The following FGF1 variants were observed in gnomAD, a reference collection of about 807,000 sequenced individuals.
The protein encoded by FGF1 is beta-endothelial cell growth factor.
A neutral mutation model predicts 13.4 loss-of-function variants in FGF1; 9 were observed. The ratio of observed to expected loss-of-function variants is 0.67; its 90% CI spans 0.40 to 1.17. The LOEUF (loss-of-function observed/expected upper bound fraction) is 1.17, where lower values mean the gene tolerates loss of function less well. Among genes scored for constraint, FGF1 ranks in the 50% most tolerant of loss-of-function variants. The pLI is 0.01. For missense variants in FGF1, 156 were observed against 192.7 expected (o/e 0.81, Z 1.13); for synonymous variants, 93 against 79.0 (o/e 1.18, Z -0.94).
intron 2 of FGF1, among the ~76,000 whole-genome samples, chr5:142,601,600 TTC>T (rs1756581356): frequency 6.6e-6 from 1 of 152,052 alleles, no homozygotes; most frequent in South Asian, 2.1e-4. Flanking sequence ...TGAAGACAGT[TTC>T]TGTTGTCACA....
At chr5:142,695,497 G>C (rs551037106) in intron 2 of FGF1, among the ~76,000 whole-genome samples, 1 of 149,852 alleles carries the variant, frequency 6.7e-6, no homozygotes, top group Non-Finnish European at 1.5e-5. Flanking sequence ...CAAAAGAATC[G>C]CTTGAACCTG....
intron 3 of FGF1, among the ~76,000 whole-genome samples, chr5:142,597,751 G>A (rs1277921747): frequency 6.6e-6 from 1 of 152,134 alleles, no homozygotes; most frequent in Non-Finnish European, 1.5e-5. Context: ...CTCTATGTGT[G>A]AGCATGTTTG....
intron 3 of FGF1, among the ~76,000 whole-genome samples, chr5:142,597,215 T>C (rs1755457751): frequency 6.6e-6 from 1 of 152,242 alleles, no homozygotes; most frequent in Admixed American, 6.5e-5. Context: ...ATTTACAAGA[T>C]GTATTACCTT....
At chr5:142,606,344 T>A (rs899238856) in intron 2 of FGF1, among the ~76,000 whole-genome samples, 9 of 150,906 alleles carry the variant, frequency 6.0e-5, no homozygotes, top group African/African-American at 2.2e-4. Flanking sequence ...AAATCCTTGA[T>A]GAAAATCATA....
intron 1 of FGF1, among the ~76,000 whole-genome samples, chr5:142,628,364 G>T (rs1489885988): frequency 6.6e-6 from 1 of 152,140 alleles, no homozygotes; most frequent in South Asian, 2.1e-4. Flanking sequence ...CAAAAAATTA[G>T]CCGGGCGTGA....
chr5:142,599,037 G>T (rs1391945057), intron 3 of FGF1, among the ~76,000 whole-genome samples: 1 of 152,162 alleles, frequency 6.6e-6, no homozygotes, highest in African/African-American at 2.4e-5. Flanking sequence ...CACTCTGATG[G>T]GCGCATTCTG....
chr5:142,672,500 GTTTT>G (rs34954693), intron 1 of FGF1, among the ~76,000 whole-genome samples: 14 of 123,328 alleles, frequency 1.1e-4, no homozygotes, highest in Admixed American at 2.6e-4. Flanking sequence ...TTTCTGTACA[GTTTT>G]TTTTTTTTTT....
At chr5:142,598,523 A>G (rs1270576642) in intron 3 of FGF1, among the ~76,000 whole-genome samples, 1 of 152,206 alleles carries the variant, frequency 6.6e-6, no homozygotes, top group Non-Finnish European at 1.5e-5. Context: ...TGGAAAATAC[A>G]GGAAGTTATT....
chr5:142,664,608 A>G (rs1345322188), intron 1 of FGF1, among the ~76,000 whole-genome samples: 1 of 152,142 alleles, frequency 6.6e-6, no homozygotes, highest in East Asian at 1.9e-4. Flanking sequence ...CTTCCAATTT[A>G]CTGTATCTTA....
upstream of FGF1, among the ~76,000 whole-genome samples, chr5:142,688,317 G>T (rs770525788): frequency 7.9e-5 from 12 of 152,000 alleles, no homozygotes; most frequent in Non-Finnish European, 1.5e-4. Context: ...TTGAACTTCT[G>T]TTACTATCTA....
rs61061208 is a variant in FGF1 at position 142,639,330 on chromosome 5, T to C, written c.-34-25169A>G. 9.3e-3 allele frequency among the ~76,000 whole-genome samples: 1,414 copies of C among 152,102 alleles called. 13 individuals are homozygous for C. Among genetic ancestry groups the C allele is most frequent in the South Asian group, 0.02 (95 of 4,820 alleles). ...TCATCTGTATCACACATGAAATCTG[T>C]AACACATTTCTTCTAAAGAAAATGT... On this transcript the variant is annotated intron_variant, in intron 1 of 3. Coordinates refer to ENST00000337706, the MANE Select transcript of FGF1 (RefSeq NM_000800.5).
In FGF1 at chr5:142,626,537, T is replaced by C. The variant is rs148859658; in HGVS notation, c.-34-12376A>G. On this transcript the variant is annotated intron_variant, in intron 1 of 3. Transcript: ENST00000337706. ...AGAATAAAATGCCCCTTGAACTGAG[T>C]GACCCTTGAGCTTCTCTATTCTTTT... Among the ~76,000 whole-genome samples the C allele has an allele frequency of 2.6e-3, 400 of 152,328 alleles. 2 individuals carry two copies. Among genetic ancestry groups the C allele is most frequent in the African/African-American group, 9.2e-3 (382 of 41,582 alleles).
chr5:142,614,190 G>T, intron 1 of FGF1, 29 bp from the exon 2 acceptor site: 1 of 1,569,226 alleles, frequency 6.4e-7, no homozygotes, highest in Non-Finnish European at 8.7e-7. Context: ...ACCTGTAGTC[G>T]GTTCTTCCAG....
chr5:142,653,713 C>T lies in FGF1; in HGVS notation c.-35+32244G>A, dbSNP rs537499393. On this transcript the variant is annotated intron_variant, in intron 1 of 3. Coordinates refer to ENST00000337706, the MANE Select transcript of FGF1 (RefSeq NM_000800.5). The stretch of plus-strand genomic sequence containing the variant: ...TGCTGCCTGCCTGTCTTCTACGACA[C>T]CGGTTGGGGCTTAAATTCTACTTTT... 4.1e-4 allele frequency among the ~76,000 whole-genome samples: 62 copies of T among 152,322 alleles called. 1 individual carries two copies. The highest frequency in any genetic ancestry group is 7.2e-4 in the Non-Finnish European group (49 of 68,034).
In FGF1 at chr5:142,594,153, G is replaced by T. The variant is rs568232740; in HGVS notation, c.*1137C>A. 1 of 152,108 alleles carries T rather than the reference G, an allele frequency of 6.6e-6. No homozygotes were observed. The highest frequency in any genetic ancestry group is 1.5e-5 in the Non-Finnish European group (1 of 68,036). 9.4% of individuals were successfully genotyped at this position (152,108 alleles called of 1,614,324 possible). On this transcript the variant is annotated 3_prime_UTR_variant, in exon 4 of 4. Transcript: ENST00000337706. ...GTTGAGGTCAGGTGAGGTTCGGGGC[G>T]TCGAACCACCTTCATTTGAATAACT...
chr5:142,669,974 A>G (rs1044812877), intron 1 of FGF1, among the ~76,000 whole-genome samples: 26 of 152,122 alleles, frequency 1.7e-4, no homozygotes, highest in African/African-American at 6.0e-4. Flanking sequence ...CCTTCAAGGG[A>G]GAAGTCAGCT....
At chr5:142,633,721 G>C (rs1763757241) in intron 1 of FGF1, among the ~76,000 whole-genome samples, 1 of 152,166 alleles carries the variant, frequency 6.6e-6, no homozygotes, top group Non-Finnish European at 1.5e-5. Flanking sequence ...TTTTGCCTTT[G>C]ACTCTTTGGG....
At chr5:142,629,313 G>C (rs35215281) in intron 1 of FGF1, among the ~76,000 whole-genome samples, 10,659 of 152,062 alleles carry the variant, frequency 0.07, 377 homozygotes, top group Middle Eastern at 0.13. Context: ...GCACCACCAC[G>C]ACCAGCTAAT....
chr5:142,671,765 A>G (rs1158202653), intron 1 of FGF1: 1 of 152,244 alleles, frequency 6.6e-6, no homozygotes, highest in Non-Finnish European at 1.5e-5. Context: ...AGCAATGAAC[A>G]CGTTCTGCAC....
Sources: allele counts gnomAD v4.1 joint callset (sites outside exome capture counted in the v4.1 genomes callset), GRCh38; gene constraint gnomAD v4.1.1; transcripts MANE v1.5; gene names NCBI Gene and HGNC (gene_info 2026-07-23, HGNC 2026-07-21).